The following COG2 variants were observed in gnomAD, a reference collection of about 807,000 sequenced individuals.
COG2 encodes the protein component of oligomeric golgi complex 2.
Under a neutral mutation model 90.6 loss-of-function variants are expected in COG2, and 52 were observed. The observed-to-expected ratio is 0.57, with a 90% CI of 0.46 to 0.72. The LOEUF (loss-of-function observed/expected upper bound fraction) is 0.72. Ranked by LOEUF, COG2 falls within the 30% of genes least tolerant of loss-of-function variation. The pLI is 0.00. For missense variants in COG2, 829 were observed against 891.2 expected, an observed-to-expected ratio of 0.93 and a Z score of 0.89; for synonymous variants, 337 against 320.4, an observed-to-expected ratio of 1.05 and a Z score of -0.55.
At chr1:230,645,562 C>CT (rs1336664020) in intron 1 of COG2, among the ~76,000 whole-genome samples, 1 of 152,104 alleles carries the variant, frequency 6.6e-6, no homozygotes, top group Non-Finnish European at 1.5e-5. Flanking sequence ...CTTTTTGACA[C>CT]TTTTGGAAGA....
chr1:230,678,489 A>G (rs904299474), intron 9 of COG2: 9 of 985,120 alleles, frequency 9.1e-6, no homozygotes, highest in Non-Finnish European at 1.1e-5. Context: ...TGAAGTGAAT[A>G]CTCACATGGT....
intron 1 of COG2, among the ~76,000 whole-genome samples, chr1:230,648,348 A>G (rs373470606): frequency 1.3e-5 from 2 of 152,368 alleles, no homozygotes; most frequent in South Asian, 2.1e-4. Context: ...AGCAACTAAA[A>G]TGCTGACCTT....
Position 230,660,790 on chromosome 1 carries a change from T to C in COG2, c.267T>C (p.Ser89=), listed in dbSNP as rs138501518. 22 of 1,587,446 alleles carry C rather than the reference T, an allele frequency of 1.4e-5. No homozygotes were observed. Among genetic ancestry groups the C allele is most frequent in the East Asian group, 2.3e-5 (1 of 42,674 alleles). Residue 89 remains serine, a synonymous_variant, in exon 3 of 18, where the codon TCT becomes TCC. Coordinates refer to ENST00000366669, the MANE Select transcript of COG2 (RefSeq NM_007357.3). ...VGMDKALNQL[S]VPLGQLREEV... ...TGGACAAAGCCCTCAACCAGCTTTCTGTGCCTTTGGGACAATTACGAGAAG... is the reference window on the plus strand; with the variant it reads ...TGGACAAAGCCCTCAACCAGCTTTCCGTGCCTTTGGGACAATTACGAGAAG...
chr1:230,654,636 GT>G (rs1662006268), intron 1 of COG2, among the ~76,000 whole-genome samples: 1 of 152,130 alleles, frequency 6.6e-6, no homozygotes, highest in African/African-American at 2.4e-5. Context: ...TGTGAAAAAA[GT>G]CAATGGTAGC....
chr1:230,687,756 G>A (rs1396384371), intron 13 of COG2, among the ~76,000 whole-genome samples: 1 of 152,094 alleles, frequency 6.6e-6, no homozygotes, highest in Admixed American at 6.5e-5. Flanking sequence ...TTTAAAATTT[G>A]TATGTTTTCA....
At chr1:230,665,082 G>A (rs912768814) in intron 5 of COG2, among the ~76,000 whole-genome samples, 1 of 152,192 alleles carries the variant, frequency 6.6e-6, no homozygotes, top group African/African-American at 2.4e-5. Context: ...TTGTTATACT[G>A]TAGTGTCTTA....
At chr1:230,658,856 T>C (rs530913925) in intron 1 of COG2, among the ~76,000 whole-genome samples, 2 of 152,300 alleles carry the variant, frequency 1.3e-5, no homozygotes, top group African/African-American at 4.8e-5. Context: ...AACATCCATA[T>C]AAAACATGAG....
chr1:230,677,859 T>C (rs1662638424), intron 9 of COG2, among the ~76,000 whole-genome samples: 1 of 152,236 alleles, frequency 6.6e-6, no homozygotes, highest in Admixed American at 6.5e-5. Flanking sequence ...AAGAGGGCAA[T>C]ATCTTTATAT....
intron 13 of COG2, among the ~76,000 whole-genome samples, chr1:230,687,819 A>T (rs1662918117): frequency 6.6e-6 from 1 of 152,200 alleles, no homozygotes; most frequent in Non-Finnish European, 1.5e-5. Flanking sequence ...AGCGCCATAG[A>T]GTAGAAAATG....
intron 17 of COG2, 163 bp downstream of exon 17, chr1:230,691,727 C>T: frequency 3.2e-6 from 2 of 633,944 alleles, no homozygotes; most frequent in East Asian, 2.8e-5. Flanking sequence ...TACTTTGCCC[C>T]TAGGCAGTAT....
At position 230,642,502 on chromosome 1, in the gene COG2, C is replaced by A. The variant is rs911783570; in HGVS notation, c.-105C>A. 8 of 1,133,990 alleles carry A rather than the reference C, an allele frequency of 7.1e-6. No homozygotes were observed. The Admixed American group carries it at 1.0e-4, about 15-fold the overall frequency. 70.2% of individuals were successfully genotyped at this position (1,133,990 alleles called of 1,614,324 possible). ...TGCCATGTTGGCGGAAGCGGACCCC[C>A]CTGTGCCGTGGAAACTGGCGGTGGC... is the stretch of plus-strand genomic sequence containing the variant. On this transcript the variant is annotated 5_prime_UTR_variant, in exon 1 of 18. Transcript: ENST00000366669.
Position 230,660,827 on chromosome 1 carries a change from A to G in COG2, c.300+4A>G, listed in dbSNP as rs1442856385. 1.3e-6 allele frequency: 2 copies of G among 1,566,358 alleles called. No homozygotes were observed. Among genetic ancestry groups the G allele is most frequent in the Admixed American group, 3.8e-5 (2 of 52,706 alleles). On this transcript the variant is annotated splice_donor_region_variant and intron_variant, in intron 3 of 17. Transcript: ENST00000366669. ...ACAATTACGAGAAGAGGTTCTGGTA[A>G]GTTTCCCGAATAACATCAAACAGTT...
At chr1:230,652,238 G>A (rs74142995) in intron 1 of COG2, among the ~76,000 whole-genome samples, 40 of 152,056 alleles carry the variant, frequency 2.6e-4, no homozygotes, top group African/African-American at 7.7e-4. Context: ...AGGCAACTAC[G>A]GATCTCTTTA....
In COG2 at chr1:230,688,471, G is replaced by A. The variant is rs1379988222; in HGVS notation, c.1703G>A (p.Ser568Asn). The A allele has an allele frequency of 4.3e-6, 7 of 1,613,992 alleles. No individual in the cohort carries two copies. The highest frequency in any genetic ancestry group is 5.1e-6 in the Non-Finnish European group (6 of 1,180,028). ...TTTTCAGCCTGTGTGCCCTCCTTGA[G>A]TAGCAAGATCATCCAGGATTTAAGT... is the stretch of plus-strand genomic sequence containing the variant. The part of the protein sequence containing the change: ...SSFSACVPSL[S>N]SKIIQDLSDS... Residue 568 changes from serine (S) to asparagine (N), a missense_variant, in exon 15 of 18, where the codon AGT becomes AAT. Physicochemically the swap from Ser to Asn is conservative, Grantham distance 46 (BLOSUM62 1). Transcript: ENST00000366669.
At chr1:230,686,758 G>A (rs1015975206) in intron 12 of COG2, among the ~76,000 whole-genome samples, 177 bp from the exon 13 acceptor site, 2 of 152,044 alleles carry the variant, frequency 1.3e-5, no homozygotes. Flanking sequence ...TTCTCTCTTA[G>A]TGCTTCACTC....
chr1:230,690,079 C>T lies in COG2; in HGVS notation c.1860C>T (p.Ser620=), dbSNP rs768424995. The change falls in exon 16 of 18, where the codon AGC becomes AGT. Residue 620 remains serine (S), a synonymous_variant. Coordinates refer to ENST00000366669, the MANE Select transcript of COG2 (RefSeq NM_007357.3). ...SALKPLFQLQ[S]GHKDKLKQAI... ...TGAAGCCCTTATTCCAGCTTCAGAG[C>T]GGACACAAGGATAAGCTCAAACAAG... 1.1e-5 allele frequency: 17 copies of T among 1,612,874 alleles called. No homozygotes were observed. The highest frequency in any genetic ancestry group is 1.1e-5 in the South Asian group (1 of 90,804).
intron 1 of COG2, among the ~76,000 whole-genome samples, chr1:230,648,697 G>A (rs1272248457): frequency 6.6e-6 from 1 of 152,092 alleles, no homozygotes; most frequent in African/African-American, 2.4e-5. Context: ...ATATTTCTTT[G>A]TTCAAAGTTA....
chr1:230,693,275 T>A lies in COG2; in HGVS notation c.2116-17T>A. On this transcript the variant is annotated splice_polypyrimidine_tract_variant and intron_variant, in intron 17 of 17. Transcript: ENST00000366669. The stretch of plus-strand genomic sequence containing the variant: ...CTTGAATTGCAGTAACATAATTCAT[T>A]CTCATGGCCTTTGCAGATACAAAAG... 2 of 1,509,352 alleles carry A rather than the reference T, an allele frequency of 1.3e-6. No homozygotes were observed. Among genetic ancestry groups the A allele is most frequent in the Non-Finnish European group, 1.8e-6 (2 of 1,086,266 alleles). The allele number at this position is 1,509,352 out of a possible 1,614,324, so 93.5% of individuals were successfully genotyped here.
intron 9 of COG2, 136 bp downstream of exon 9, chr1:230,675,260 C>A: frequency 2.2e-6 from 2 of 908,600 alleles, no homozygotes; most frequent in Non-Finnish European, 3.1e-6. Flanking sequence ...AACATTTAAC[C>A]TTAAAACACA....
Sources: gnomAD v4.1 joint callset for allele counts (sites outside exome capture counted in the v4.1 genomes callset) on GRCh38, gnomAD v4.1.1 for gene constraint, MANE v1.5 for transcripts, NCBI Gene and HGNC (gene_info 2026-07-23, HGNC 2026-07-21) for gene names.